The following FRMD5 variants were observed in gnomAD, a reference collection of about 807,000 sequenced individuals.
The protein encoded by FRMD5 is FERM domain-containing protein 5.
A neutral mutation model predicts 69.0 loss-of-function variants in FRMD5; 20 were observed. The observed-to-expected ratio is 0.29, with a 90% CI of 0.20 to 0.42. The LOEUF (loss-of-function observed/expected upper bound fraction) is 0.42, where lower values mean the gene tolerates loss of function less well. Among genes scored for constraint, FRMD5 ranks in the 10% least tolerant of loss-of-function variants. The probability of loss-of-function intolerance (pLI) is 1.00; values close to 1 mark genes in which losing one functional copy is unlikely to be tolerated. For synonymous variants in FRMD5, 271 were observed against 260.1 expected (o/e 1.04, Z -0.40); for missense variants, 595 against 708.6 (o/e 0.84, Z 1.82).
intron 4 of FRMD5, among the ~76,000 whole-genome samples, chr15:43,913,977 A>T (rs1235176453): frequency 6.6e-6 from 1 of 151,858 alleles, no homozygotes; most frequent in African/African-American, 2.4e-5. Flanking sequence ...TGTTTTTTAA[A>T]CTCTGCTGAT....
At chr15:43,899,242 C>T (rs1181255520) in intron 7 of FRMD5, among the ~76,000 whole-genome samples, 1 of 152,236 alleles carries the variant, frequency 6.6e-6, no homozygotes, top group Non-Finnish European at 1.5e-5. Context: ...GGCCCCTAAA[C>T]TGTTCTCTTT....
rs2088192996 is a variant in FRMD5 at position 43,872,695 on chromosome 15, CTA to C, written c.*1188_*1189del. The C allele has an allele frequency of 6.5e-6, 1 of 154,202 alleles. No individual in the cohort carries two copies. Among genetic ancestry groups the C allele is most frequent in the African/African-American group, 2.4e-5 (1 of 40,942 alleles). The allele number at this position is 154,202 out of a possible 1,614,324, so 9.6% of individuals were successfully genotyped here. A position where few individuals can be genotyped will look rare whatever the true frequency, so the allele number is the denominator to read the frequency against. On this transcript the variant is annotated 3_prime_UTR_variant, in exon 14 of 14. Coordinates refer to ENST00000417257, the MANE Select transcript of FRMD5 (RefSeq NM_032892.5). ...TGTTTTGTAGGCATCTCTTAGAAAT[CTA>C]TTTTAAAAGATTCTTTTCCTGGTCC...
chr15:44,125,817 C>G lies in FRMD5; in HGVS notation c.102+69136G>C, dbSNP rs79850191. Among the ~76,000 whole-genome samples the G allele has an allele frequency of 2.3e-3, 349 of 152,274 alleles. 8 individuals are homozygous for G. The East Asian group carries it at 0.058, about 25-fold the overall frequency. ...ACAGCACTCATCACCAATCTTGCCA[C>G]AGTAGTCCTCCTTTACTGTCATGTA... On this transcript the variant is annotated intron_variant, in intron 1 of 13. Transcript: ENST00000417257.
intron 1 of FRMD5, among the ~76,000 whole-genome samples, chr15:43,992,643 G>C (rs917270486): frequency 6.6e-6 from 1 of 152,124 alleles, no homozygotes; most frequent in East Asian, 1.9e-4. Context: ...CGCCCAAAAC[G>C]CTGGGATTAC....
chr15:43,884,695 A>G (rs2088619572), intron 12 of FRMD5, 32 bp downstream of exon 12: 4 of 1,599,070 alleles, frequency 2.5e-6, no homozygotes, highest in Non-Finnish European at 3.4e-6. Context: ...TCTGAGCTAC[A>G]ACTGTTTGGG....
At chr15:44,103,909 A>G (rs1197402950) in intron 1 of FRMD5, among the ~76,000 whole-genome samples, 1 of 152,238 alleles carries the variant, frequency 6.6e-6, no homozygotes, top group Admixed American at 6.5e-5. Context: ...TATGTTTGTG[A>G]TGATGCTGGT....
intron 1 of FRMD5, among the ~76,000 whole-genome samples, chr15:44,166,644 C>T (rs1438862843): frequency 4.6e-5 from 7 of 151,354 alleles, no homozygotes; most frequent in Non-Finnish European, 8.8e-5. Flanking sequence ...ATTAGCTGGG[C>T]GTGGTGGTGA....
chr15:43,899,941 C>T (rs1038951984), intron 7 of FRMD5, among the ~76,000 whole-genome samples: 2 of 152,116 alleles, frequency 1.3e-5, no homozygotes, highest in Admixed American at 6.5e-5. Flanking sequence ...GTGTAGTGCT[C>T]GGGCTCACTG....
At chr15:43,888,150 G>A (rs766922310) in intron 10 of FRMD5, 25 bp downstream of exon 10, 4 of 1,542,208 alleles carry the variant, frequency 2.6e-6, no homozygotes, top group Admixed American at 1.7e-5. Context: ...AAGAAAGACA[G>A]TCCCCATCAC....
rs1313687062 is a variant in FRMD5 at position 44,182,472 on chromosome 15, G to A, written c.102+12481C>T. Among the ~76,000 whole-genome samples, 17 of 151,722 alleles carry A rather than the reference G, an allele frequency of 1.1e-4. No homozygotes were observed. In the East Asian group the frequency reaches 3.1e-3, roughly 28 times the overall value. On this transcript the variant is annotated intron_variant, in intron 1 of 13. Coordinates refer to ENST00000417257, the MANE Select transcript of FRMD5 (RefSeq NM_032892.5). ...AGCCTCCCAAGTAGGTGGGACTACA[G>A]GCACATGCCACCATGCTTGGCTAAT...
At chr15:43,933,336 C>A (rs1052138805) in intron 1 of FRMD5, among the ~76,000 whole-genome samples, 1 of 152,246 alleles carries the variant, frequency 6.6e-6, no homozygotes, top group Non-Finnish European at 1.5e-5. Context: ...GCATACCATA[C>A]TCCGGACCAT....
At chr15:44,012,609 G>A (rs1890767919) in intron 1 of FRMD5, among the ~76,000 whole-genome samples, 1 of 152,064 alleles carries the variant, frequency 6.6e-6, no homozygotes, top group Non-Finnish European at 1.5e-5. Flanking sequence ...GAAGTGTTGT[G>A]GGTGGCACAA....
chr15:43,934,835 G>C (rs532344351), intron 1 of FRMD5, among the ~76,000 whole-genome samples: 14 of 152,206 alleles, frequency 9.2e-5, no homozygotes, highest in African/African-American at 3.4e-4. Flanking sequence ...GGCAGCAGCG[G>C]GACTGCTGGA....
intron 1 of FRMD5, among the ~76,000 whole-genome samples, chr15:44,153,306 A>G (rs1222005805): frequency 6.6e-6 from 1 of 152,244 alleles, no homozygotes; most frequent in African/African-American, 2.4e-5. Flanking sequence ...TAAAATGTAG[A>G]GGCAACCTAA....
At chr15:44,110,225 C>T (rs2076778386) in intron 1 of FRMD5, among the ~76,000 whole-genome samples, 1 of 152,036 alleles carries the variant, frequency 6.6e-6, no homozygotes, top group Non-Finnish European at 1.5e-5. Context: ...GCTATGTTGC[C>T]CAGGCTGGAG....
chr15:44,082,286 G>T (rs1485384486), intron 1 of FRMD5, among the ~76,000 whole-genome samples: 1 of 151,902 alleles, frequency 6.6e-6, no homozygotes, highest in Non-Finnish European at 1.5e-5. Context: ...GAATAAGTCT[G>T]CACTGGCAAA....
intron 1 of FRMD5, among the ~76,000 whole-genome samples, chr15:44,190,212 G>A (rs1293089894): frequency 6.6e-6 from 1 of 152,196 alleles, no homozygotes; most frequent in African/African-American, 2.4e-5. Context: ...TGTTATAGAT[G>A]AGGCTATCAA....
intron 1 of FRMD5, among the ~76,000 whole-genome samples, chr15:44,136,675 T>TA (rs11370459): frequency 0.18 from 27,434 of 152,150 alleles, 4,994 homozygotes; most frequent in African/African-American, 0.47. Context: ...ATTAAAATCC[T>TA]AATAAACACT....
intron 1 of FRMD5, among the ~76,000 whole-genome samples, chr15:44,067,439 A>G (rs754394169): frequency 2.6e-5 from 4 of 152,224 alleles, no homozygotes; most frequent in Non-Finnish European, 4.4e-5. Flanking sequence ...TTAGGCTGCT[A>G]TAACAAAATA....
Sources: allele counts gnomAD v4.1 joint callset (sites outside exome capture counted in the v4.1 genomes callset), GRCh38; gene constraint gnomAD v4.1.1; transcripts MANE v1.5; gene names NCBI Gene and HGNC (gene_info 2026-07-23, HGNC 2026-07-21).